SGCZ: variants seen among roughly 807,000 people sequenced by gnomAD.
SGCZ encodes the protein zeta-sarcoglycan.
SGCZ carries 40 observed loss-of-function variants against 41.3 expected under a neutral mutation model. That is an observed-to-expected ratio of 0.97 (90% CI 0.75 to 1.26). SGCZ has a LOEUF of 1.26. SGCZ is among the 50% of genes most tolerant of loss of function. The pLI is 0.00. For synonymous variants in SGCZ, 206 were observed against 137.5 expected (o/e 1.50, Z -3.49); for missense variants, 552 against 369.8 (o/e 1.49, Z -4.04).
At chr8:15,197,885 TACAC>T (rs150640188) in intron 1 of SGCZ, among the ~76,000 whole-genome samples, 3 of 150,570 alleles carry the variant, frequency 2.0e-5, no homozygotes, top group African/African-American at 7.3e-5. Flanking sequence ...TGTGTATATA[TACAC>T]ACACACACAC....
chr8:15,226,395 A>T (rs1801773946), intron 1 of SGCZ, among the ~76,000 whole-genome samples: 1 of 152,230 alleles, frequency 6.6e-6, no homozygotes, highest in Non-Finnish European at 1.5e-5. Context: ...AGATTTCATC[A>T]AGATAGAAAA....
chr8:14,656,195 A>C (rs1414935296), intron 1 of SGCZ, among the ~76,000 whole-genome samples: 1 of 151,578 alleles, frequency 6.6e-6, no homozygotes, highest in Non-Finnish European at 1.5e-5. Context: ...CTAACCAGCA[A>C]AGCAGAGATA....
chr8:14,835,206 C>T (rs2130611944), intron 1 of SGCZ, among the ~76,000 whole-genome samples: 1 of 152,238 alleles, frequency 6.6e-6, no homozygotes, highest in East Asian at 1.9e-4. Flanking sequence ...AGATGGTTAG[C>T]CCCTCAGTGC....
At chr8:15,155,148 A>G (rs1470599988) in intron 1 of SGCZ, among the ~76,000 whole-genome samples, 1 of 152,068 alleles carries the variant, frequency 6.6e-6, no homozygotes, top group Non-Finnish European at 1.5e-5. Flanking sequence ...CAGAAAAATC[A>G]GCTGAGTGTG....
intron 1 of SGCZ, among the ~76,000 whole-genome samples, chr8:15,096,292 T>G (rs762552787): frequency 2.0e-5 from 3 of 152,014 alleles, no homozygotes; most frequent in Admixed American, 6.6e-5. Context: ...TTCACCATAT[T>G]GGCCAGGCTG....
At chr8:15,169,528 G>C (rs984139196) in intron 1 of SGCZ, among the ~76,000 whole-genome samples, 1 of 152,130 alleles carries the variant, frequency 6.6e-6, no homozygotes, top group Non-Finnish European at 1.5e-5. Context: ...AATTTTCATG[G>C]GGTGGAACAA....
At chr8:14,873,049 TAGA>T (rs1347557400) in intron 1 of SGCZ, among the ~76,000 whole-genome samples, 1 of 152,116 alleles carries the variant, frequency 6.6e-6, no homozygotes, top group Middle Eastern at 3.2e-3. Flanking sequence ...AGATGTAAGT[TAGA>T]AGGAGTCAGG....
At chr8:14,310,977 T>C (rs1010204528) in intron 3 of SGCZ, among the ~76,000 whole-genome samples, 16 of 152,282 alleles carry the variant, frequency 1.1e-4, no homozygotes, top group African/African-American at 3.8e-4. Context: ...CTTAAGGGTA[T>C]GCTTTTCTGG....
intron 1 of SGCZ, among the ~76,000 whole-genome samples, chr8:14,687,522 A>T (rs1386953858): frequency 6.6e-6 from 1 of 151,546 alleles, no homozygotes; most frequent in Admixed American, 6.6e-5. Context: ...AAGGACATGA[A>T]CTCATCATTT....
At chr8:15,195,108 G>A (rs1800679919) in intron 1 of SGCZ, among the ~76,000 whole-genome samples, 1 of 152,088 alleles carries the variant, frequency 6.6e-6, no homozygotes, top group African/African-American at 2.4e-5. Flanking sequence ...TTTTTCTGAT[G>A]AACCAATAAG....
rs147075302 is a variant in SGCZ at position 14,456,775 on chromosome 8, C to A, written c.234+97957G>T. Among the ~76,000 whole-genome samples, 445 of 152,246 alleles carry A rather than the reference C, an allele frequency of 2.9e-3. 2 individuals carry two copies. Among genetic ancestry groups the A allele is most frequent in the African/African-American group, 0.01 (432 of 41,536 alleles). On this transcript the variant is annotated intron_variant, in intron 2 of 7. Transcript: ENST00000382080. ...GTCATCTCCAATGCTGGAGGTAGGA[C>A]CTGTTGGGAGGTGTTTAGATCAGGG...
At chr8:14,493,359 C>CTTTTTATTTTTTTTTTTTTTTTTTTTTT (rs1801898670) in intron 2 of SGCZ, among the ~76,000 whole-genome samples, 1 of 44,268 alleles carries the variant, frequency 2.3e-5, no homozygotes, top group African/African-American at 7.5e-5. Context: ...ATCATCCTTT[C>CTTTTTATTTTTTTTTTTTTTTTTTTTTT]TTTTTTTTTT....
At chr8:14,746,290 G>C (rs964211614) in intron 1 of SGCZ, among the ~76,000 whole-genome samples, 1 of 151,886 alleles carries the variant, frequency 6.6e-6, no homozygotes, top group Non-Finnish European at 1.5e-5. Flanking sequence ...GATTTTTCAC[G>C]TTCCACATTG....
intron 1 of SGCZ, among the ~76,000 whole-genome samples, chr8:14,702,925 G>GTAGGTAGATAGATAGATAGA (rs1212521242): frequency 7.9e-6 from 1 of 125,872 alleles, no homozygotes; most frequent in African/African-American, 2.9e-5. Context: ...AGTTAGGTAG[G>GTAGGTAGATAGATAGATAGA]TAGATAGATA....
intron 5 of SGCZ, among the ~76,000 whole-genome samples, chr8:14,146,890 A>AAAAAAAAAAAAAAAAAAAT (rs1182329393): frequency 1.7e-5 from 2 of 116,172 alleles, no homozygotes; most frequent in African/African-American, 7.2e-5. Context: ...AAAATAAAAA[A>AAAAAAAAAAAAAAAAAAAT]AATAATAATA....
intron 1 of SGCZ, among the ~76,000 whole-genome samples, chr8:14,697,890 T>C (rs1809016650): frequency 6.6e-6 from 1 of 152,030 alleles, no homozygotes; most frequent in Admixed American, 6.6e-5. Context: ...GCTTTCTGTT[T>C]CCCTCTATTG....
At chr8:14,625,172 A>G (rs367675170) in intron 1 of SGCZ, among the ~76,000 whole-genome samples, 1 of 152,194 alleles carries the variant, frequency 6.6e-6, no homozygotes, top group South Asian at 2.1e-4. Context: ...TCAGTGTTCC[A>G]TAACTTAAAG....
chr8:14,319,688 C>A (rs1039591839), intron 3 of SGCZ, among the ~76,000 whole-genome samples: 1 of 151,766 alleles, frequency 6.6e-6, no homozygotes, highest in Non-Finnish European at 1.5e-5. Context: ...ACCAAAGACC[C>A]GAGGCAGTTA....
intron 2 of SGCZ, among the ~76,000 whole-genome samples, chr8:14,497,709 C>T (rs536188294): frequency 2.0e-5 from 3 of 152,136 alleles, no homozygotes; most frequent in African/African-American, 7.2e-5. Flanking sequence ...CATTCCTGTG[C>T]TAAACCGTTC....
Sources: gnomAD v4.1 joint callset for allele counts (sites outside exome capture counted in the v4.1 genomes callset) on GRCh38, gnomAD v4.1.1 for gene constraint, MANE v1.5 for transcripts, NCBI Gene and HGNC (gene_info 2026-07-23, HGNC 2026-07-21) for gene names.